The following MTUS2 variants were observed in gnomAD, a reference collection of about 807,000 sequenced individuals.
MTUS2 encodes the protein microtubule associated scaffold protein 2.
MTUS2 carries 40 observed loss-of-function variants against 114.1 expected under a neutral mutation model. That is an observed-to-expected ratio of 0.35 (90% CI 0.27 to 0.46). MTUS2 has a LOEUF of 0.46. MTUS2 is among the 20% of genes least tolerant of loss of function. The probability of loss-of-function intolerance (pLI) is 1.00; values close to 1 mark genes in which losing one functional copy is unlikely to be tolerated. For missense variants in MTUS2, 1,679 were observed against 1,705.4 expected (o/e 0.98, Z 0.27); for synonymous variants, 688 against 672.0 (o/e 1.02, Z -0.37).
intron 5 of MTUS2, among the ~76,000 whole-genome samples, chr13:29,212,345 C>T (rs1479376742): frequency 1.3e-5 from 2 of 152,156 alleles, no homozygotes; most frequent in Admixed American, 6.5e-5. Flanking sequence ...TTCCTCTCCT[C>T]ACAACACCTC....
At chr13:29,125,148 G>C (rs964635680) in intron 5 of MTUS2, among the ~76,000 whole-genome samples, 2 of 152,152 alleles carry the variant, frequency 1.3e-5, no homozygotes, top group African/African-American at 4.8e-5. Flanking sequence ...CAATTATTTA[G>C]TTGTTAATAA....
At chr13:29,473,805 G>A (rs976865285) in intron 9 of MTUS2, among the ~76,000 whole-genome samples, 1 of 152,090 alleles carries the variant, frequency 6.6e-6, no homozygotes, top group Admixed American at 6.5e-5. Flanking sequence ...TAGATTGTAG[G>A]GGTTTATGAT....
intron 2 of MTUS2, among the ~76,000 whole-genome samples, chr13:29,006,705 T>C (rs763112551): frequency 1.2e-4 from 19 of 152,236 alleles, no homozygotes; most frequent in Non-Finnish European, 2.5e-4. Flanking sequence ...TTTGTATCTC[T>C]TTATGACAGG....
intron 5 of MTUS2, among the ~76,000 whole-genome samples, chr13:29,144,818 G>C (rs998589618): frequency 2.0e-5 from 3 of 152,084 alleles, no homozygotes; most frequent in Non-Finnish European, 2.9e-5. Context: ...TAAGTCACAG[G>C]TTCCACCTGC....
At chr13:29,049,326 T>G (rs1887780977) in intron 4 of MTUS2, among the ~76,000 whole-genome samples, 2 of 152,168 alleles carry the variant, frequency 1.3e-5, no homozygotes, top group South Asian at 4.1e-4. Context: ...CCAGGGAGGC[T>G]CCCATGAGGC....
intron 2 of MTUS2, among the ~76,000 whole-genome samples, chr13:28,986,843 A>T (rs1248205354): frequency 6.6e-6 from 1 of 152,224 alleles, no homozygotes; most frequent in African/African-American, 2.4e-5. Context: ...TAAGAATTTA[A>T]TTATTCAGTC....
chr13:28,978,577 G>C (rs1884222101), intron 2 of MTUS2, among the ~76,000 whole-genome samples: 1 of 152,164 alleles, frequency 6.6e-6, no homozygotes, highest in African/African-American at 2.4e-5. Flanking sequence ...TGTTATATTA[G>C]AACTCAAACA....
At chr13:29,223,664 A>G (rs983064289) in intron 5 of MTUS2, among the ~76,000 whole-genome samples, 2 of 152,190 alleles carry the variant, frequency 1.3e-5, no homozygotes, top group African/African-American at 2.4e-5. Flanking sequence ...CTTGGGACCC[A>G]TTGAATTGTG....
intron 5 of MTUS2, among the ~76,000 whole-genome samples, chr13:29,275,122 T>C (rs979039513): frequency 1.3e-5 from 2 of 152,246 alleles, no homozygotes; most frequent in African/African-American, 2.4e-5. Flanking sequence ...CTTTTGACTT[T>C]TTAAATAGTG....
intron 5 of MTUS2, among the ~76,000 whole-genome samples, chr13:29,109,322 G>A (rs1446169304): frequency 6.6e-6 from 1 of 152,010 alleles, no homozygotes; most frequent in African/African-American, 2.4e-5. Flanking sequence ...GTGTATGTGT[G>A]GTAAGAACAT....
chr13:28,895,360 T>C (rs1023743106), intron 2 of MTUS2, among the ~76,000 whole-genome samples: 2 of 152,222 alleles, frequency 1.3e-5, no homozygotes, highest in African/African-American at 4.8e-5. Flanking sequence ...TGTGTAATAA[T>C]GAACTGTGCT....
intron 8 of MTUS2, among the ~76,000 whole-genome samples, chr13:29,416,270 T>C (rs894741382): frequency 6.6e-6 from 1 of 151,912 alleles, no homozygotes; most frequent in Admixed American, 6.6e-5. Flanking sequence ...CTGTTGCCTC[T>C]ACAACAATGA....
chr13:29,501,769 A>G (rs576562908), intron 15 of MTUS2, among the ~76,000 whole-genome samples: 5 of 152,310 alleles, frequency 3.3e-5, no homozygotes, highest in African/African-American at 7.2e-5. Flanking sequence ...AGGCTCCTCA[A>G]TGCTCACCCA....
At position 29,077,370 on chromosome 13, in the gene MTUS2, A is replaced by G. The variant is rs1360101247; in HGVS notation, c.2447-23403A>G. Among the ~76,000 whole-genome samples, 5 of 152,314 alleles carry G rather than the reference A, an allele frequency of 3.3e-5. No homozygotes were observed. In the East Asian group the frequency reaches 9.6e-4, roughly 29 times the overall value. ...ATCTGTGAAAGGAGAAACTGTAAAA[A>G]CAACTAGGAAGAACTATGGTAAAAT... On this transcript the variant is annotated intron_variant, in intron 4 of 15. Coordinates refer to ENST00000612955, the MANE Select transcript of MTUS2 (RefSeq NM_001033602.4).
At chr13:29,040,144 A>G (rs1887280162) in intron 4 of MTUS2, among the ~76,000 whole-genome samples, 1 of 152,164 alleles carries the variant, frequency 6.6e-6, no homozygotes, top group Non-Finnish European at 1.5e-5. Flanking sequence ...CCAAGTCCCC[A>G]AAGTCCATTG....
chr13:29,216,254 A>T (rs1241022868), intron 5 of MTUS2, among the ~76,000 whole-genome samples: 1 of 152,162 alleles, frequency 6.6e-6, no homozygotes, highest in Non-Finnish European at 1.5e-5. Flanking sequence ...TCCCAGGTCG[A>T]TTCAGAGTGC....
chr13:29,397,093 A>G (rs1466877943), intron 8 of MTUS2, among the ~76,000 whole-genome samples: 2 of 152,180 alleles, frequency 1.3e-5, no homozygotes, highest in Non-Finnish European at 2.9e-5. Context: ...CCATATCAAA[A>G]TGACTGTAGG....
intron 2 of MTUS2, among the ~76,000 whole-genome samples, chr13:28,933,022 T>C (rs150609032): frequency 1.3e-4 from 20 of 152,226 alleles, no homozygotes; most frequent in African/African-American, 4.6e-4. Flanking sequence ...GGTTCTCACA[T>C]TGTGTTGTGT....
At chr13:29,443,417 C>A (rs756760423) in intron 9 of MTUS2, among the ~76,000 whole-genome samples, 1 of 152,170 alleles carries the variant, frequency 6.6e-6, no homozygotes, top group African/African-American at 2.4e-5. Context: ...ATGCAGCAGG[C>A]GCTACACAAG....
Sources: gnomAD v4.1 joint callset for allele counts (sites outside exome capture counted in the v4.1 genomes callset) on GRCh38, gnomAD v4.1.1 for gene constraint, MANE v1.5 for transcripts, NCBI Gene and HGNC (gene_info 2026-07-23, HGNC 2026-07-21) for gene names.